The following KIF15 variants were observed in gnomAD, a reference collection of about 807,000 sequenced individuals.
KIF15 encodes kinesin-like protein KIF15.
A neutral mutation model predicts 190.6 loss-of-function variants in KIF15; 140 were observed. The ratio of observed to expected loss-of-function variants is 0.73; its 90% CI spans 0.64 to 0.84. KIF15 has a LOEUF of 0.84. Among genes scored for constraint, KIF15 ranks in the 40% least tolerant of loss-of-function variants. The pLI, the probability that KIF15 is intolerant of heterozygous loss-of-function variation, is 0.00. For synonymous variants in KIF15, 528 were observed against 551.3 expected (o/e 0.96, Z 0.59); for missense variants, 1,372 against 1,584.4 (o/e 0.87, Z 2.28).
chr3:44,818,441 T>G (rs1708122205), intron 20 of KIF15, among the ~76,000 whole-genome samples: 1 of 152,224 alleles, frequency 6.6e-6, no homozygotes, highest in South Asian at 2.1e-4. Flanking sequence ...TATTGAGAGT[T>G]TTTAGCATGA....
At chr3:44,766,601 G>C (rs75366655) in intron 1 of KIF15, among the ~76,000 whole-genome samples, 5,552 of 152,132 alleles carry the variant, frequency 0.036, 370 homozygotes, top group African/African-American at 0.13. Flanking sequence ...GAGCTGGAGG[G>C]ATCCCTGTGT....
At chr3:44,818,146 AGAT>A (rs1305009895) in intron 20 of KIF15, among the ~76,000 whole-genome samples, 1 of 152,192 alleles carries the variant, frequency 6.6e-6, no homozygotes, top group Non-Finnish European at 1.5e-5. Context: ...TTTTGGGCTG[AGAT>A]GATGGGGTTT....
chr3:44,815,035 C>T lies in KIF15; in HGVS notation c.2508C>T (p.Ser836=), dbSNP rs141676463. 549 of 1,610,742 alleles carry T rather than the reference C, an allele frequency of 3.4e-4. No individual in the cohort carries two copies. The African/African-American group carries it at 5.9e-3, about 17-fold the overall frequency. ...AGGAGAAAGAATTCAACAAACTTTC[C>T]GAAAGACACATGCATGTACAGCTTC... ...TNQEKEFNKL[S]ERHMHVQLQL... The change falls in exon 20 of 35, where the codon TCC becomes TCT. Residue 836 remains serine (S), a synonymous_variant. Coordinates refer to ENST00000326047, the MANE Select transcript of KIF15 (RefSeq NM_020242.3).
chr3:44,852,000 A>T (rs1352905797), intron 33 of KIF15, 48 bp downstream of exon 33: 1 of 1,566,168 alleles, frequency 6.4e-7, no homozygotes, highest in Admixed American at 1.8e-5. Flanking sequence ...CACTCAAATG[A>T]ATAGAACTAA....
chr3:44,768,047 G>A (rs181922899), intron 1 of KIF15, among the ~76,000 whole-genome samples: 6 of 152,002 alleles, frequency 3.9e-5, no homozygotes, highest in Admixed American at 1.3e-4. Context: ...AGGCCAACGC[G>A]GGCAGATCAC....
At position 44,775,349 on chromosome 3, in the gene KIF15, T is replaced by G. The variant is rs201935362; in HGVS notation, c.158T>G (p.Val53Gly). 3.3e-5 allele frequency: 53 copies of G among 1,614,014 alleles called. No individual in the cohort carries two copies. The highest frequency in any genetic ancestry group is 4.0e-5 in the Non-Finnish European group (47 of 1,180,014). ...ADGEQNLCLS[V>G]LSSTSLRLHS... Reference sequence around the variant, plus strand: ...GGAGAGCAGAACTTATGCTTATCTGTGCTGTCCTCCACGAGTCTCCGGCTG... The same window carrying G: ...GGAGAGCAGAACTTATGCTTATCTGGGCTGTCCTCCACGAGTCTCCGGCTG... Residue 53 changes from valine to glycine, a missense_variant, in exon 3 of 35, where the codon GTG becomes GGG. Val to Gly is a moderately radical substitution (Grantham distance 109, BLOSUM62 -3). Transcript: ENST00000326047.
At chr3:44,835,955 T>C (rs2125707030) in intron 26 of KIF15, among the ~76,000 whole-genome samples, 1 of 152,298 alleles carries the variant, frequency 6.6e-6, no homozygotes, top group South Asian at 2.1e-4. Flanking sequence ...ACGCCTGTAG[T>C]CCCAGCTACT....
intron 10 of KIF15, among the ~76,000 whole-genome samples, chr3:44,799,610 T>A (rs1575608527): frequency 6.7e-6 from 1 of 150,226 alleles, no homozygotes; most frequent in Non-Finnish European, 1.5e-5. Flanking sequence ...CAGGCTGGAG[T>A]GCAGTGGCGC....
chr3:44,774,966 G>A (rs1559523219), intron 2 of KIF15, among the ~76,000 whole-genome samples: 1 of 152,076 alleles, frequency 6.6e-6, no homozygotes, highest in East Asian at 1.9e-4. Flanking sequence ...TGGGTGTGAT[G>A]GCAGATCCCT....
intron 7 of KIF15, among the ~76,000 whole-genome samples, chr3:44,793,041 G>A (rs1343350084): frequency 1.3e-5 from 2 of 152,174 alleles, no homozygotes; most frequent in Non-Finnish European, 2.9e-5. Context: ...TGTTAGAAAT[G>A]CAAAATCTCA....
At position 44,801,438 on chromosome 3, in the gene KIF15, G is replaced by T; in HGVS notation, c.1223-12G>T. 6.8e-7 allele frequency: 1 copy of T among 1,474,084 alleles called. No homozygotes were observed. The highest frequency in any genetic ancestry group is 1.2e-5 in the South Asian group (1 of 84,038). The allele number at this position is 1,474,084 out of a possible 1,614,324, so 91.3% of individuals were successfully genotyped here. A position where few individuals can be genotyped will look rare whatever the true frequency, so the allele number is the denominator to read the frequency against. On this transcript the variant is annotated splice_polypyrimidine_tract_variant and intron_variant, in intron 11 of 34. Transcript: ENST00000326047. The stretch of plus-strand genomic sequence containing the variant: ...TTTTTTCATCTTCCCTTTCTTATTG[G>T]ATCAATTACAGACAAAAAGAAGACT...
In KIF15 at chr3:44,762,379, A is replaced by G. The variant is rs1284322932; in HGVS notation, c.19+495A>G. 2.0e-5 allele frequency among the ~76,000 whole-genome samples: 3 copies of G among 152,208 alleles called. No homozygotes were observed. The East Asian group carries it at 5.8e-4, about 29-fold the overall frequency. ...GAATGTTAAAACACAGATGTCAGCA[A>G]TGTCTTTATGTTCTCACAGTCTCTA... On this transcript the variant is annotated intron_variant, in intron 1 of 34. Coordinates refer to ENST00000326047, the MANE Select transcript of KIF15 (RefSeq NM_020242.3).
intron 26 of KIF15, 139 bp downstream of exon 26, chr3:44,831,157 T>A: frequency 1.0e-6 from 1 of 960,212 alleles, no homozygotes; most frequent in Non-Finnish European, 1.5e-6. Context: ...CTCAAGACGC[T>A]TCACTACACA....
intron 21 of KIF15, 91 bp downstream of exon 21, chr3:44,826,280 T>A: frequency 6.4e-7 from 1 of 1,551,508 alleles, no homozygotes; most frequent in Non-Finnish European, 8.8e-7. Context: ...TTTGCTATAC[T>A]TGCCCACAGT....
chr3:44,802,749 G>A, intron 13 of KIF15, 65 bp from the exon 14 acceptor site: 1 of 1,443,868 alleles, frequency 6.9e-7, no homozygotes, highest in Middle Eastern at 2.0e-4. Flanking sequence ...TGGCTTTTTA[G>A]AGGAACTAAT....
intron 8 of KIF15, among the ~76,000 whole-genome samples, chr3:44,794,676 T>G (rs1342561101): frequency 1.3e-5 from 2 of 152,082 alleles, no homozygotes; most frequent in East Asian, 1.9e-4. Context: ...AATGTACCCC[T>G]GTTAGCCGGG....
chr3:44,854,493 CA>C (rs1699162255), downstream of KIF15, among the ~76,000 whole-genome samples: 1 of 151,696 alleles, frequency 6.6e-6, no homozygotes, highest in South Asian at 2.1e-4. Flanking sequence ...CCGTAAGGGC[CA>C]AAAATGAAAA....
downstream of KIF15, among the ~76,000 whole-genome samples, chr3:44,858,022 A>C (rs1292883018): frequency 2.0e-5 from 3 of 152,232 alleles, no homozygotes; most frequent in East Asian, 5.8e-4. Context: ...AGCTTGGCTG[A>C]AGTAATGAGT....
chr3:44,837,885 C>T (rs1698404295), intron 26 of KIF15, among the ~76,000 whole-genome samples: 1 of 152,128 alleles, frequency 6.6e-6, no homozygotes, highest in Admixed American at 6.5e-5. Context: ...CTCATCTTCA[C>T]AGCTGTTTAC....
Sources: allele counts gnomAD v4.1 joint callset (sites outside exome capture counted in the v4.1 genomes callset), GRCh38; gene constraint gnomAD v4.1.1; transcripts MANE v1.5; gene names NCBI Gene and HGNC (gene_info 2026-07-23, HGNC 2026-07-21).